Variants in LPP observed in about 807,000 individuals in gnomAD.
LPP encodes the protein lipoma-preferred partner.
LPP carries 38 observed loss-of-function variants against 60.4 expected under a neutral mutation model. The observed-to-expected ratio is 0.63, with a 90% CI of 0.49 to 0.83. The LOEUF (loss-of-function observed/expected upper bound fraction) is 0.83. LPP is among the 40% of genes least tolerant of loss of function. The pLI is 0.00. For synonymous variants in LPP, 328 were observed against 290.8 expected, an observed-to-expected ratio of 1.13 and a Z score of -1.30; for missense variants, 902 against 783.6, an observed-to-expected ratio of 1.15 and a Z score of -1.80.
intron 4 of LPP, among the ~76,000 whole-genome samples, chr3:188,454,826 C>A (rs569326005): frequency 6.6e-6 from 1 of 152,118 alleles, no homozygotes; most frequent in Non-Finnish European, 1.5e-5. Context: ...CATGATCTCC[C>A]ACGGCATCCC....
intron 3 of LPP, among the ~76,000 whole-genome samples, chr3:188,397,971 C>G (rs1256783298): frequency 1.3e-5 from 2 of 152,138 alleles, no homozygotes; most frequent in African/African-American, 4.8e-5. Flanking sequence ...TGCTTCTCTC[C>G]CTTGCTGCTT....
chr3:188,417,162 C>A (rs1786521460), intron 4 of LPP, among the ~76,000 whole-genome samples: 1 of 152,044 alleles, frequency 6.6e-6, no homozygotes, highest in South Asian at 2.1e-4. Context: ...CCAGCACTCT[C>A]CCTTATTATA....
intron 7 of LPP, among the ~76,000 whole-genome samples, chr3:188,659,536 G>T (rs1854095524): frequency 6.6e-6 from 1 of 152,098 alleles, no homozygotes; most frequent in South Asian, 2.1e-4. Context: ...TTCTTCAATT[G>T]TTTTCCAAGT....
chr3:188,434,053 A>T (rs1460012765), intron 4 of LPP, among the ~76,000 whole-genome samples: 1 of 152,146 alleles, frequency 6.6e-6, no homozygotes, highest in African/African-American at 2.4e-5. Flanking sequence ...GTTGAGAAGT[A>T]ATAGGAAGAC....
At chr3:188,832,556 A>G (rs1282173909) in intron 9 of LPP, among the ~76,000 whole-genome samples, 2 of 152,170 alleles carry the variant, frequency 1.3e-5, no homozygotes, top group African/African-American at 4.8e-5. Context: ...TTGTTGTTTT[A>G]TGCCACTGAG....
intron 2 of LPP, among the ~76,000 whole-genome samples, chr3:188,234,261 G>C (rs567368018): frequency 3.5e-4 from 54 of 152,250 alleles, no homozygotes; most frequent in African/African-American, 1.2e-3. Flanking sequence ...GTGAGACCCG[G>C]GCAGTCAGTC....
rs535384095 is a variant in LPP at position 188,183,753 on chromosome 3, G to A, written c.-190+29501G>A. On this transcript the variant is annotated intron_variant, in intron 1 of 11. Coordinates refer to ENST00000617246, the MANE Select transcript of LPP (RefSeq NM_001375462.1). ...CCATGGGAGGGGGTGGGAGTGGGAG[G>A]GGGTGTGCTGGGGAGGTTTTATGGC... Among the ~76,000 whole-genome samples, 12 of 151,954 alleles carry A rather than the reference G, an allele frequency of 7.9e-5. No homozygotes were observed. The South Asian group carries it at 2.1e-3, about 26-fold the overall frequency.
At position 188,639,870 on chromosome 3, in the gene LPP, A is replaced by G. The variant is rs541469821; in HGVS notation, c.1113+30026A>G. On this transcript the variant is annotated intron_variant, in intron 7 of 11. Coordinates refer to ENST00000617246, the MANE Select transcript of LPP (RefSeq NM_001375462.1). The stretch of plus-strand genomic sequence containing the variant: ...AATCATTAAAAAGTCAGGAAACTAC[A>G]GGTGCTGGAGAGGATGTGGAGAAAT... Among the ~76,000 whole-genome samples the G allele has an allele frequency of 1.4e-3, 218 of 152,348 alleles. 2 individuals carry two copies. Among genetic ancestry groups the G allele is most frequent in the African/African-American group, 4.9e-3 (202 of 41,594 alleles).
intron 9 of LPP, among the ~76,000 whole-genome samples, chr3:188,857,955 A>G (rs55902410): frequency 0.025 from 3,741 of 152,324 alleles, 148 homozygotes; most frequent in African/African-American, 0.084. Context: ...AACATTTATT[A>G]TATAGTCAGG....
At chr3:188,768,173 T>C (rs956374623) in intron 9 of LPP, among the ~76,000 whole-genome samples, 1 of 152,166 alleles carries the variant, frequency 6.6e-6, no homozygotes, top group South Asian at 2.1e-4. Context: ...GTGAAGCTAC[T>C]ACTTGCAAAA....
At chr3:188,701,995 G>T (rs1456996867) in intron 7 of LPP, among the ~76,000 whole-genome samples, 1 of 131,938 alleles carries the variant, frequency 7.6e-6, no homozygotes, top group Non-Finnish European at 1.5e-5. Flanking sequence ...TGTCGCCCAG[G>T]CTGGAATGCA....
intron 3 of LPP, among the ~76,000 whole-genome samples, chr3:188,372,168 AC>A (rs1487339991): frequency 8.6e-5 from 13 of 151,792 alleles, no homozygotes; most frequent in Admixed American, 3.9e-4. Context: ...AGGGGAAAAA[AC>A]TTTTTCAAAA....
At chr3:188,160,727 A>G (rs555829872) in intron 1 of LPP, among the ~76,000 whole-genome samples, 2 of 152,334 alleles carry the variant, frequency 1.3e-5, no homozygotes, top group South Asian at 2.1e-4. Flanking sequence ...TGATTACTGT[A>G]TGCCAGGCAG....
At chr3:188,363,754 A>C (rs1449773840) in intron 3 of LPP, among the ~76,000 whole-genome samples, 1 of 151,844 alleles carries the variant, frequency 6.6e-6, no homozygotes, top group Non-Finnish European at 1.5e-5. Context: ...AAAATACAAA[A>C]ATTAGCCAGG....
At chr3:188,849,700 T>C (rs1762295936) in intron 9 of LPP, among the ~76,000 whole-genome samples, 1 of 152,200 alleles carries the variant, frequency 6.6e-6, no homozygotes, top group Non-Finnish European at 1.5e-5. Context: ...TTGATTTTGT[T>C]TTTTCCTCTC....
intron 2 of LPP, chr3:188,240,229 T>C (rs565556465): frequency 2.3e-5 from 4 of 176,598 alleles, no homozygotes; most frequent in Middle Eastern, 2.2e-3. Flanking sequence ...TTAAAAATCC[T>C]TTTGGTATCA....
intron 7 of LPP, among the ~76,000 whole-genome samples, chr3:188,694,697 C>CA (rs1346492955): frequency 0.021 from 2,319 of 112,484 alleles, 27 homozygotes; most frequent in African/African-American, 0.031. Flanking sequence ...AACTCCATCT[C>CA]AAAAAAAAAA....
intron 6 of LPP, among the ~76,000 whole-genome samples, chr3:188,528,204 T>G (rs1821178496): frequency 6.6e-6 from 1 of 152,066 alleles, no homozygotes; most frequent in Non-Finnish European, 1.5e-5. Context: ...ATTTTTTGTA[T>G]TTTTAGTAGA....
chr3:188,605,316 A>G (rs1300996444), intron 6 of LPP, among the ~76,000 whole-genome samples: 1 of 152,158 alleles, frequency 6.6e-6, no homozygotes, highest in Non-Finnish European at 1.5e-5. Flanking sequence ...GGAATTCCCT[A>G]TTTAGAGAGT....
Sources: gnomAD v4.1 joint callset for allele counts (sites outside exome capture counted in the v4.1 genomes callset) on GRCh38, gnomAD v4.1.1 for gene constraint, MANE v1.5 for transcripts, NCBI Gene and HGNC (gene_info 2026-07-23, HGNC 2026-07-21) for gene names.